RBFOX1: variants seen among roughly 807,000 people sequenced by gnomAD.
The protein encoded by RBFOX1 is RNA binding fox-1 homolog 1, also known as RNA binding protein fox-1 homolog 1.
Under a neutral mutation model 57.7 loss-of-function variants are expected in RBFOX1, and 8 were observed. That is an observed-to-expected ratio of 0.14 (90% CI 0.08 to 0.25). RBFOX1 has a LOEUF of 0.25. Ranked by LOEUF, RBFOX1 falls within the 10% of genes least tolerant of loss-of-function variation. RBFOX1 has a pLI of 1.00. For synonymous variants in RBFOX1, 326 were observed against 222.4 expected (o/e 1.47, Z -4.15); for missense variants, 611 against 548.5 (o/e 1.11, Z -1.14).
At chr16:6,568,030 C>G (rs1205501372) in intron 2 of RBFOX1, among the ~76,000 whole-genome samples, 2 of 152,122 alleles carry the variant, frequency 1.3e-5, no homozygotes, top group Non-Finnish European at 2.9e-5. Context: ...CTATGTTGAA[C>G]AGGCTGGCCT....
intron 2 of RBFOX1, among the ~76,000 whole-genome samples, chr16:5,508,035 A>G (rs1475680857): frequency 1.3e-5 from 2 of 152,186 alleles, no homozygotes; most frequent in African/African-American, 2.4e-5. Context: ...GAGTGGGGAA[A>G]AATGTAGAAG....
intron 2 of RBFOX1, among the ~76,000 whole-genome samples, chr16:6,464,975 G>A (rs1258948401): frequency 6.6e-6 from 1 of 152,184 alleles, no homozygotes; most frequent in African/African-American, 2.4e-5. Flanking sequence ...ACTAGCTCAG[G>A]TGAGTCTGTA....
intron 4 of RBFOX1, among the ~76,000 whole-genome samples, chr16:7,406,392 T>C (rs1001251272): frequency 2.0e-5 from 3 of 152,180 alleles, no homozygotes; most frequent in Non-Finnish European, 4.4e-5. Flanking sequence ...TTGTTCAGAA[T>C]ACCTGGCTAC....
intron 3 of RBFOX1, among the ~76,000 whole-genome samples, chr16:5,832,029 A>G (rs568239772): frequency 7.8e-4 from 119 of 152,142 alleles, no homozygotes; most frequent in Non-Finnish European, 1.5e-3. Flanking sequence ...TGTCTGGTTG[A>G]AGGAAGACCC....
rs979881675 is a variant in RBFOX1, at chr16:6,784,209, C to T, written c.-16+129559C>T. On this transcript the variant is annotated intron_variant, in intron 3 of 15. Transcript: ENST00000550418. ...ATTTTTTTGAATAAACTTTCTATCC[C>T]AATCTCTTTCTCTACTTCTTCTTCA... Among the ~76,000 whole-genome samples the T allele has an allele frequency of 2.6e-5, 4 of 152,094 alleles. No homozygotes were observed. In the East Asian group the frequency reaches 7.8e-4, roughly 30 times the overall value.
chr16:5,867,365 G>T lies in RBFOX1; in HGVS notation c.351+30G>T, dbSNP rs530914338. 16 of 1,166,336 alleles carry T rather than the reference G, an allele frequency of 1.4e-5. No homozygotes were observed. The South Asian group carries it at 5.2e-4, about 38-fold the overall frequency. The allele number at this position is 1,166,336 out of a possible 1,614,324, so 72.2% of individuals were successfully genotyped here. A position where few individuals can be genotyped will look rare whatever the true frequency, so the allele number is the denominator to read the frequency against. ...GAAACGTGGTTTTTCTGTCCCTTTA[G>T]AAGATAGTTTGAAGTGGGTTTCTTT... is the stretch of plus-strand genomic sequence containing the variant. On this transcript the variant is annotated intron_variant, in intron 4 of 19. Coordinates refer to the RBFOX1 transcript ENST00000641259.
intron 3 of RBFOX1, among the ~76,000 whole-genome samples, chr16:6,912,671 A>G (rs1198903898): frequency 6.6e-6 from 1 of 150,790 alleles, no homozygotes; most frequent in Admixed American, 6.6e-5. Flanking sequence ...GCTGGAGTAC[A>G]GTGGCATGAT....
chr16:5,838,284 G>A (rs1024810510), intron 3 of RBFOX1: 2 of 225,158 alleles, frequency 8.9e-6, no homozygotes, highest in East Asian at 2.9e-4. Context: ...TGAGGTATGG[G>A]TGGCGGCCTG....
chr16:6,982,811 G>T (rs2089274340), intron 3 of RBFOX1, among the ~76,000 whole-genome samples: 1 of 152,040 alleles, frequency 6.6e-6, no homozygotes, highest in Non-Finnish European at 1.5e-5. Context: ...TGGCCAACAT[G>T]GCGGAGCCCT....
chr16:6,276,305 C>T (rs1203341117), intron 1 of RBFOX1, among the ~76,000 whole-genome samples: 1 of 152,022 alleles, frequency 6.6e-6, no homozygotes, highest in Non-Finnish European at 1.5e-5. Context: ...CAGCTTGGGG[C>T]ACATGCTCAT....
chr16:6,586,324 C>A (rs534306688), intron 2 of RBFOX1, among the ~76,000 whole-genome samples: 2 of 152,188 alleles, frequency 1.3e-5, no homozygotes, highest in Admixed American at 6.5e-5. Flanking sequence ...AAGAAACATT[C>A]ATTCCTAAGA....
rs1320599334 is a variant in RBFOX1, at chr16:7,156,809, G to C, written c.27+104711G>C. Among the ~76,000 whole-genome samples, 9 of 151,956 alleles carry C rather than the reference G, an allele frequency of 5.9e-5. No homozygotes were observed. In the East Asian group the frequency reaches 7.7e-4, roughly 13 times the overall value. On this transcript the variant is annotated intron_variant, in intron 4 of 15. Coordinates refer to ENST00000550418, the MANE Select transcript of RBFOX1 (RefSeq NM_018723.4). ...TGTATACTTCTATCTCTCTGTACTT[G>C]TACATGCACAATTATAGGATAATTT...
At chr16:6,174,852 C>T (rs1476767023) in intron 1 of RBFOX1, among the ~76,000 whole-genome samples, 2 of 152,092 alleles carry the variant, frequency 1.3e-5, no homozygotes, top group African/African-American at 4.8e-5. Context: ...TCTAAGGATG[C>T]CTTTGAGAAT....
chr16:6,847,011 G>T (rs1243757153), intron 3 of RBFOX1, among the ~76,000 whole-genome samples: 1 of 152,102 alleles, frequency 6.6e-6, no homozygotes, highest in Non-Finnish European at 1.5e-5. Context: ...GGGAAAAGGG[G>T]AAGGTGTTAA....
intron 2 of RBFOX1, among the ~76,000 whole-genome samples, chr16:6,544,364 C>T (rs1259122321): frequency 6.6e-6 from 1 of 152,140 alleles, no homozygotes; most frequent in Non-Finnish European, 1.5e-5. Context: ...CACCTTTTCC[C>T]CTCTTGCAAT....
intron 4 of RBFOX1, among the ~76,000 whole-genome samples, chr16:7,178,539 C>G (rs9925962): frequency 0.023 from 3,506 of 152,220 alleles, 121 homozygotes; most frequent in African/African-American, 0.08. Context: ...GTGTGCATGG[C>G]AAAGAACCTA....
chr16:6,748,509 A>T (rs1259890611), intron 3 of RBFOX1, among the ~76,000 whole-genome samples: 1 of 152,104 alleles, frequency 6.6e-6, no homozygotes, highest in Non-Finnish European at 1.5e-5. Context: ...AAAAATAAAG[A>T]TAAAAAATTA....
At chr16:5,784,387 A>G (rs1437410371) in intron 3 of RBFOX1, among the ~76,000 whole-genome samples, 1 of 151,908 alleles carries the variant, frequency 6.6e-6, no homozygotes, top group East Asian at 1.9e-4. Context: ...AGATCGCACC[A>G]CTGCACTCCA....
At chr16:5,523,575 C>T (rs1287207448) in intron 2 of RBFOX1, among the ~76,000 whole-genome samples, 1 of 152,178 alleles carries the variant, frequency 6.6e-6, no homozygotes, top group Non-Finnish European at 1.5e-5. Context: ...CACGAACATG[C>T]CGCTGCACTG....
Sources: allele counts gnomAD v4.1 joint callset (sites outside exome capture counted in the v4.1 genomes callset), GRCh38; gene constraint gnomAD v4.1.1; transcripts MANE v1.5; gene names NCBI Gene and HGNC (gene_info 2026-07-23, HGNC 2026-07-21).